Variants in BRD4 observed in about 807,000 individuals in gnomAD.
BRD4 encodes the protein bromodomain-containing protein 4.
A neutral mutation model predicts 142.1 loss-of-function variants in BRD4; 16 were observed. The ratio of observed to expected loss-of-function variants is 0.11; its 90% CI spans 0.08 to 0.17. The LOEUF (loss-of-function observed/expected upper bound fraction) is 0.17. Among genes scored for constraint, BRD4 ranks in the 10% least tolerant of loss-of-function variants. BRD4 has a pLI of 1.00. For missense variants in BRD4, 1,424 were observed against 1,810.9 expected (o/e 0.79, Z 3.88); for synonymous variants, 833 against 707.5 (o/e 1.18, Z -2.82).
At chr19:15,293,841 A>G (rs911892124) in intron 1 of BRD4, among the ~76,000 whole-genome samples, 11 of 152,178 alleles carry the variant, frequency 7.2e-5, no homozygotes, top group African/African-American at 2.4e-4. Context: ...GGTAACCACT[A>G]TTTTTTGTGT....
At chr19:15,270,782 T>C (rs1358473523) in intron 2 of BRD4, among the ~76,000 whole-genome samples, 1 of 152,104 alleles carries the variant, frequency 6.6e-6, no homozygotes, top group Non-Finnish European at 1.5e-5. Context: ...GAATACAGAT[T>C]TAGCATGATG....
At chr19:15,288,457 A>G (rs1337264482) in intron 1 of BRD4, among the ~76,000 whole-genome samples, 3 of 152,256 alleles carry the variant, frequency 2.0e-5, no homozygotes, top group African/African-American at 7.2e-5. Context: ...ATCCAGTTAT[A>G]AACTTGGACA....
chr19:15,240,004 G>A lies in BRD4; in HGVS notation c.3188C>T (p.Pro1063Leu). 6.2e-7 allele frequency: 1 copy of A among 1,612,476 alleles called. No individual in the cohort carries two copies. The highest frequency in any genetic ancestry group is 8.5e-7 in the Non-Finnish European group (1 of 1,179,372). The change falls in exon 15 of 20, where the codon CCC (proline) becomes CTC (leucine). Residue 1063 changes from proline (P) to leucine (L), a missense_variant. This residue lies in a region of BRD4 where 598 missense variants were observed against 647.8 expected (regional missense o/e 0.92). Transcript: ENST00000679869. Reference sequence around the variant, plus strand: ...GGGGGAATGTATCATAAGCGGGGAGGGGGCTTCGCGGAGGTGACCTAGGAG... The same window carrying A: ...GGGGGAATGTATCATAAGCGGGGAGAGGGCTTCGCGGAGGTGACCTAGGAG... The part of the protein sequence containing the change: ...PYSTGHLREA[P>L]SPLMIHSPQM...
Position 15,256,945 on chromosome 19 carries a change from G to A in BRD4, c.1551+19C>T, listed in dbSNP as rs2047415729. The A allele has an allele frequency of 2.6e-6, 4 of 1,543,992 alleles. No homozygotes were observed. The African/African-American group carries it at 5.5e-5, about 21-fold the overall frequency. On this transcript the variant is annotated intron_variant, in intron 8 of 19. Transcript: ENST00000679869. ...CCACGGACTCTGGGGATTAAGAATG[G>A]AGCCACCAATGCCCTCACCTGCTCC...
chr19:15,311,285 C>G (rs1319796475), intron 1 of BRD4, among the ~76,000 whole-genome samples: 1 of 150,508 alleles, frequency 6.6e-6, no homozygotes, highest in Non-Finnish European at 1.5e-5. Context: ...GAGCGAAACT[C>G]TGTCTCAAAA....
intron 1 of BRD4, among the ~76,000 whole-genome samples, chr19:15,274,292 C>G (rs966277049): frequency 1.3e-5 from 2 of 152,178 alleles, no homozygotes; most frequent in African/African-American, 4.8e-5. Flanking sequence ...ACCCCACTCA[C>G]ATGTGGAGTA....
chr19:15,280,014 C>T (rs772753123), intron 1 of BRD4, among the ~76,000 whole-genome samples: 2 of 152,198 alleles, frequency 1.3e-5, no homozygotes. Flanking sequence ...ATCACACAGA[C>T]CTGCACCAGG....
intron 1 of BRD4, among the ~76,000 whole-genome samples, chr19:15,306,573 T>C (rs2047915937): frequency 1.3e-5 from 2 of 152,162 alleles, no homozygotes. Context: ...CGCCTGGCCA[T>C]TTTTAGCTTC....
chr19:15,316,369 C>T (rs1449166863), intron 1 of BRD4, among the ~76,000 whole-genome samples: 2 of 151,848 alleles, frequency 1.3e-5, no homozygotes, highest in Non-Finnish European at 2.9e-5. Flanking sequence ...AGCGGTGGAT[C>T]ACCTGAGATC....
intron 1 of BRD4, among the ~76,000 whole-genome samples, chr19:15,294,768 C>T (rs552009216): frequency 6.6e-6 from 1 of 152,214 alleles, no homozygotes; most frequent in East Asian, 1.9e-4. Flanking sequence ...AGCCTGGGTC[C>T]CTAGGGCCTG....
At chr19:15,330,504 G>T (rs939543635) in intron 1 of BRD4, among the ~76,000 whole-genome samples, 2 of 152,208 alleles carry the variant, frequency 1.3e-5, no homozygotes, top group Non-Finnish European at 2.9e-5. Context: ...GGTGGCTCAT[G>T]CCTGTAATCC....
Position 15,247,705 on chromosome 19 carries a change from G to A in BRD4, c.2159-2943C>T, listed in dbSNP as rs188345372. 82 of 233,102 alleles carry A rather than the reference G, an allele frequency of 3.5e-4. No homozygotes were observed. In the East Asian group the frequency reaches 4.7e-3, roughly 13 times the overall value. The allele number at this position is 233,102 out of a possible 1,614,324, so 14.4% of individuals were successfully genotyped here. A position where few individuals can be genotyped will look rare whatever the true frequency, so the allele number is the denominator to read the frequency against. ...GTCCTGTGGGAATCTGGGCATGAAG[G>A]CTCTCCTGCCTGCTCCTGTCTCAGG... On this transcript the variant is annotated intron_variant, in intron 11 of 19. Transcript: ENST00000679869.
At chr19:15,247,959 C>T in intron 11 of BRD4, 1 of 223,036 alleles carries the variant, frequency 4.5e-6, no homozygotes, top group Non-Finnish European at 9.0e-6. Context: ...GCCCAAGGAG[C>T]TGAGGAGAGC....
intron 11 of BRD4, chr19:15,247,940 G>A: frequency 4.5e-6 from 1 of 224,702 alleles, no homozygotes; most frequent in Non-Finnish European, 8.9e-6. Flanking sequence ...GGCAGTTGCA[G>A]CTGCTCAAGC....
intron 1 of BRD4, among the ~76,000 whole-genome samples, chr19:15,321,740 G>C (rs2048062989): frequency 1.3e-5 from 2 of 152,112 alleles, no homozygotes; most frequent in African/African-American, 2.4e-5. Flanking sequence ...AATAAAGTTA[G>C]GAGAATAACA....
chr19:15,257,728 A>G (rs761371895), intron 7 of BRD4, among the ~76,000 whole-genome samples: 14 of 152,146 alleles, frequency 9.2e-5, no homozygotes, highest in Non-Finnish European at 1.3e-4. Flanking sequence ...CATTCCTCAG[A>G]TAGCCCCTGC....
At chr19:15,251,857 C>G (rs576040730) in intron 11 of BRD4, among the ~76,000 whole-genome samples, 1 of 152,252 alleles carries the variant, frequency 6.6e-6, no homozygotes, top group Non-Finnish European at 1.5e-5. Flanking sequence ...CAAAAGGGAG[C>G]CAGGCAAAAC....
chr19:15,290,276 A>G (rs2047771999), intron 1 of BRD4, among the ~76,000 whole-genome samples: 2 of 152,188 alleles, frequency 1.3e-5, no homozygotes, highest in African/African-American at 4.8e-5. Flanking sequence ...TTCAAAGTCA[A>G]TGTTAAAAAG....
chr19:15,295,737 G>A (rs1194933712), intron 1 of BRD4, among the ~76,000 whole-genome samples: 8 of 152,232 alleles, frequency 5.3e-5, no homozygotes, highest in Admixed American at 1.3e-4. Context: ...TTGGGAGGCC[G>A]AGGCAGGTGG....
Sources: gnomAD v4.1 joint callset for allele counts (sites outside exome capture counted in the v4.1 genomes callset) on GRCh38, gnomAD v4.1.1 for gene constraint, gnomAD v4.1.1 regional missense constraint, MANE v1.5 for transcripts, NCBI Gene and HGNC (gene_info 2026-07-23, HGNC 2026-07-21) for gene names.